PFKFB3: variants seen among roughly 807,000 people sequenced by gnomAD.
The protein encoded by PFKFB3 is 6-phosphofructo-2-kinase/fructose-2,6-biphosphatase 3.
Under a neutral mutation model 68.0 loss-of-function variants are expected in PFKFB3, and 33 were observed. The observed-to-expected ratio is 0.49, with a 90% confidence interval of 0.37 to 0.65. The LOEUF is 0.65. PFKFB3 is among the 30% of genes least tolerant of loss of function. The pLI, the probability that PFKFB3 is intolerant of heterozygous loss-of-function variation, is 0.00. For missense variants in PFKFB3, 586 were observed against 712.2 expected, an observed-to-expected ratio of 0.82 and a Z score of 2.02; for synonymous variants, 315 against 288.2, an observed-to-expected ratio of 1.09 and a Z score of -0.94.
At chr10:6,149,037 C>T (rs1403680956) in intron 1 of PFKFB3, among the ~76,000 whole-genome samples, 1 of 152,134 alleles carries the variant, frequency 6.6e-6, no homozygotes, top group Non-Finnish European at 1.5e-5. Flanking sequence ...TACGATCACA[C>T]CACTGCACTC....
chr10:6,310,607 G>A, the PFKFB3 span, among the ~76,000 whole-genome samples: 7 of 152,064 alleles, frequency 4.6e-5, no homozygotes, highest in African/African-American at 1.2e-4. Flanking sequence ...GTTTATAGTC[G>A]GCCTTGACTC....
At chr10:6,320,202 A>G in the PFKFB3 span, among the ~76,000 whole-genome samples, 1 of 152,200 alleles carries the variant, frequency 6.6e-6, no homozygotes, top group Non-Finnish European at 1.5e-5. Flanking sequence ...CCCTGTCTCA[A>G]AATAACATAA....
At chr10:6,218,554 G>A (rs553127269) in intron 6 of PFKFB3, among the ~76,000 whole-genome samples, 77 of 151,956 alleles carry the variant, frequency 5.1e-4, no homozygotes, top group Non-Finnish European at 1.0e-3. Flanking sequence ...TCAGCCTCCC[G>A]AATAGCTGGG....
the PFKFB3 span, among the ~76,000 whole-genome samples, chr10:6,268,022 A>G: frequency 6.6e-6 from 1 of 151,064 alleles, no homozygotes; most frequent in Admixed American, 6.6e-5. Flanking sequence ...GTGTTAAACC[A>G]TGTGTAGTGT....
upstream of PFKFB3, chr10:6,202,812 C>T: frequency 1.1e-6 from 1 of 917,192 alleles, no homozygotes; most frequent in Non-Finnish European, 1.3e-6. Context: ...CCGGCTCGCC[C>T]ACCCTCCTCC....
At chr10:6,201,217 T>C, upstream of PFKFB3, among the ~76,000 whole-genome samples, 1 of 150,722 alleles carries the variant, frequency 6.6e-6, no homozygotes, top group Non-Finnish European at 1.5e-5. The surrounding 1 kb of genome is among the most constrained non-coding windows in gnomAD (Gnocchi z 4.1). Flanking sequence ...GCTGTTTCCC[T>C]CTTCGGGTCA....
chr10:6,262,251 G>A, the PFKFB3 span, among the ~76,000 whole-genome samples: 1 of 151,434 alleles, frequency 6.6e-6, no homozygotes, highest in African/African-American at 2.4e-5. Flanking sequence ...TCAGGAGATC[G>A]AGACCATCCT....
At chr10:6,146,375 AG>A in intron 1 of PFKFB3, 1 of 1,534,926 alleles carries the variant, frequency 6.5e-7, no homozygotes, top group South Asian at 1.2e-5. Flanking sequence ...GTTGGGGTAG[AG>A]AGATGGGGGA....
intron 14 of PFKFB3, among the ~76,000 whole-genome samples, chr10:6,249,303 AATTACT>A (rs1293085119): frequency 6.6e-6 from 1 of 152,158 alleles, no homozygotes; most frequent in Non-Finnish European, 1.5e-5. Context: ...TGGAAAATAG[AATTACT>A]ATTAATATAT....
chr10:6,256,258 C>T (rs1846493437), downstream of PFKFB3, among the ~76,000 whole-genome samples: 1 of 152,144 alleles, frequency 6.6e-6, no homozygotes, highest in Admixed American at 6.5e-5. Context: ...TACTCCTAAA[C>T]CAGAGGACAT....
At chr10:6,185,641 T>TTTC (rs1387424093) in intron 1 of PFKFB3, among the ~76,000 whole-genome samples, 1 of 147,072 alleles carries the variant, frequency 6.8e-6, no homozygotes, top group Non-Finnish European at 1.5e-5. Context: ...CCCCGCTCCT[T>TTTC]TTTTTTTTTT....
At chr10:6,150,642 A>T (rs1007781409) in intron 1 of PFKFB3, among the ~76,000 whole-genome samples, 1 of 151,920 alleles carries the variant, frequency 6.6e-6, no homozygotes, top group African/African-American at 2.4e-5. Context: ...AATAATAATA[A>T]ATCCTTATAA....
rs372512802 is a variant in PFKFB3, at chr10:6,215,335, G to A, written c.299+18G>A. The A allele has an allele frequency of 1.3e-6, 2 of 1,595,974 alleles. No individual in the cohort carries two copies. Among genetic ancestry groups the A allele is most frequent in the South Asian group, 1.1e-5 (1 of 90,552 alleles). ...GTCCGGAAGTAAGGCTGGGCCGCGG[G>A]CGTAGGGCTGGGCTGTGGGAATAAG... On this transcript the variant is annotated intron_variant, in intron 3 of 14. Transcript: ENST00000379775. The surrounding 1 kb of genome is among the most constrained non-coding windows in gnomAD (Gnocchi z 4.3).
At chr10:6,203,414 G>A in intron 1 of PFKFB3, 78 bp downstream of exon 1, 1 of 1,114,520 alleles carries the variant, frequency 9.0e-7, no homozygotes, top group Non-Finnish European at 1.2e-6. Context: ...GCTTTGTGCC[G>A]ACGCCCCTCT....
chr10:6,170,511 T>C (rs190238189), intron 1 of PFKFB3, among the ~76,000 whole-genome samples: 15 of 152,292 alleles, frequency 9.8e-5, no homozygotes, highest in South Asian at 2.1e-4. Flanking sequence ...AGTTTGAGAC[T>C]GGCCTGGGCC....
chr10:6,163,606 C>T (rs1286948853), intron 1 of PFKFB3, among the ~76,000 whole-genome samples: 2 of 152,078 alleles, frequency 1.3e-5, no homozygotes, highest in African/African-American at 2.4e-5. Flanking sequence ...GCACCCCGCG[C>T]CTGCTTCCTC....
At chr10:6,271,228 G>A in the PFKFB3 span, among the ~76,000 whole-genome samples, 1 of 152,360 alleles carries the variant, frequency 6.6e-6, no homozygotes, top group Middle Eastern at 3.4e-3. Flanking sequence ...AAGCTCCTGT[G>A]CATTGTAAAT....
At chr10:6,222,503 C>T (rs796103419) in intron 10 of PFKFB3, among the ~76,000 whole-genome samples, 10 of 152,348 alleles carry the variant, frequency 6.6e-5, no homozygotes, top group African/African-American at 1.7e-4. Flanking sequence ...GAGCCGCTCC[C>T]GCCTGCCCGG....
At chr10:6,260,413 C>CA in the PFKFB3 span, among the ~76,000 whole-genome samples, 200 of 86,826 alleles carry the variant, frequency 2.3e-3, 1 homozygote, top group African/African-American at 7.4e-3. Context: ...GACTCCGTCT[C>CA]AAAAAAAAAA....
Sources: gnomAD v4.1 joint callset for allele counts (sites outside exome capture counted in the v4.1 genomes callset) on GRCh38, gnomAD v4.1.1 for gene constraint, Gnocchi (gnomAD v3.1) non-coding constraint, MANE v1.5 for transcripts, NCBI Gene and HGNC (gene_info 2026-07-23, HGNC 2026-07-21) for gene names.